The following F13A1 variants were observed in gnomAD, a reference collection of about 807,000 sequenced individuals.
The protein encoded by F13A1 is FSF, A subunit.
F13A1 carries 47 observed loss-of-function variants against 80.1 expected under a neutral mutation model. That is an observed-to-expected ratio of 0.59 (90% confidence interval 0.46 to 0.75). The LOEUF is 0.75. Among genes scored for constraint, F13A1 ranks in the 30% least tolerant of loss-of-function variants. The pLI is 0.00. For missense variants in F13A1, 817 were observed against 930.4 expected, an observed-to-expected ratio of 0.88 and a Z score of 1.59; for synonymous variants, 349 against 344.9, an observed-to-expected ratio of 1.01 and a Z score of -0.13.
At chr6:6,181,786 G>A (rs1760989918) in intron 11 of F13A1, among the ~76,000 whole-genome samples, 1 of 152,130 alleles carries the variant, frequency 6.6e-6, no homozygotes, top group Non-Finnish European at 1.5e-5. Flanking sequence ...TGAGAATTCT[G>A]CCCAAAGCAA....
At chr6:6,172,187 A>G (rs414247) in intron 12 of F13A1, among the ~76,000 whole-genome samples, 103,257 of 151,986 alleles carry the variant, frequency 0.68, 36,666 homozygotes, top group African/African-American at 0.89. Flanking sequence ...TCCCCTTTGC[A>G]GATGAGGAGA....
At chr6:6,171,560 A>G (rs1226881351) in intron 12 of F13A1, among the ~76,000 whole-genome samples, 1 of 152,126 alleles carries the variant, frequency 6.6e-6, no homozygotes, top group Non-Finnish European at 1.5e-5. Context: ...CTTTCAGTGG[A>G]GTGATTGCAG....
intron 4 of F13A1, among the ~76,000 whole-genome samples, chr6:6,253,680 T>G (rs551468827): frequency 6.6e-6 from 1 of 152,356 alleles, no homozygotes; most frequent in African/African-American, 2.4e-5. Flanking sequence ...TCTGGTTCTT[T>G]TTAATGTAGC....
chr6:6,176,947 T>C (rs1216501399), intron 11 of F13A1, among the ~76,000 whole-genome samples: 8 of 152,178 alleles, frequency 5.3e-5, no homozygotes, highest in Non-Finnish European at 1.2e-4. Flanking sequence ...CACTGTCCTC[T>C]GTGAGCGGAG....
At chr6:6,151,419 A>G (rs1170807807) in intron 14 of F13A1, among the ~76,000 whole-genome samples, 1 of 152,062 alleles carries the variant, frequency 6.6e-6, no homozygotes, top group East Asian at 1.9e-4. Context: ...TAAAGATGAG[A>G]AGAGACCATA....
intron 13 of F13A1, among the ~76,000 whole-genome samples, chr6:6,165,771 C>T (rs1311788936): frequency 6.6e-6 from 1 of 152,264 alleles, no homozygotes; most frequent in Non-Finnish European, 1.5e-5. Flanking sequence ...GGTACCTCTG[C>T]AGCAACCCTA....
chr6:6,256,150 C>T (rs578020941), intron 4 of F13A1, among the ~76,000 whole-genome samples: 1 of 151,944 alleles, frequency 6.6e-6, no homozygotes, highest in Non-Finnish European at 1.5e-5. Flanking sequence ...ATGGAAGGCT[C>T]GACTAATAGG....
At position 6,243,865 on chromosome 6, in the gene F13A1, T is replaced by A. The variant is rs1428217723; in HGVS notation, c.798+4447A>T. ...GGTGGTACATGTAGGTGTGTCACAGTGAATAACGAGCCTTTATCTGCAGTA... is the reference window on the plus strand; with the variant it reads ...GGTGGTACATGTAGGTGTGTCACAGAGAATAACGAGCCTTTATCTGCAGTA... On this transcript the variant is annotated intron_variant, in intron 6 of 14. Coordinates refer to ENST00000264870, the MANE Select transcript of F13A1 (RefSeq NM_000129.4). This position sits in a 1 kb window ranked among gnomAD's most constrained non-coding sequence, Gnocchi z 4.2. 1.3e-5 allele frequency among the ~76,000 whole-genome samples: 2 copies of A among 152,192 alleles called. No individual in the cohort carries two copies. Among genetic ancestry groups the A allele is most frequent in the Admixed American group, 6.5e-5 (1 of 15,282 alleles).
chr6:6,173,612 TAGTC>T (rs575638389), intron 12 of F13A1, among the ~76,000 whole-genome samples: 195 of 152,248 alleles, frequency 1.3e-3, no homozygotes, highest in Admixed American at 2.6e-3. Flanking sequence ...TTCACCATGT[TAGTC>T]AGGCTGGTCT....
intron 6 of F13A1, among the ~76,000 whole-genome samples, chr6:6,236,603 G>C (rs978833566): frequency 6.6e-5 from 10 of 152,114 alleles, no homozygotes; most frequent in African/African-American, 2.4e-4. Context: ...AAATATGCAA[G>C]GGTACTTTTC....
At chr6:6,310,582 C>T (rs1758576522) in intron 2 of F13A1, among the ~76,000 whole-genome samples, 1 of 152,068 alleles carries the variant, frequency 6.6e-6, no homozygotes, top group South Asian at 2.1e-4. Context: ...AGCTAGGCTG[C>T]CTGAACCCAA....
chr6:6,180,658 C>T (rs999169668), intron 11 of F13A1, among the ~76,000 whole-genome samples: 6 of 152,144 alleles, frequency 3.9e-5, no homozygotes, highest in Non-Finnish European at 7.4e-5. Flanking sequence ...AAAAATACCA[C>T]CTTTGTATCT....
chr6:6,289,864 T>A (rs1758199998), intron 3 of F13A1, among the ~76,000 whole-genome samples: 1 of 152,186 alleles, frequency 6.6e-6, no homozygotes, highest in Admixed American at 6.5e-5. Flanking sequence ...TGGGTCAATT[T>A]CTATTCGTTT....
intron 8 of F13A1, among the ~76,000 whole-genome samples, chr6:6,200,953 C>T (rs955559852): frequency 2.6e-5 from 4 of 152,176 alleles, no homozygotes; most frequent in African/African-American, 9.7e-5. Context: ...CTGCTAGCCT[C>T]TCTCCAGAGC....
rs1329430042 is a variant in F13A1, at chr6:6,151,850, C to T, written c.2008G>A (p.Gly670Ser). ...TTCATTGGTCTTGTTACTCCAGGAC[C>T]ATCCAGGTGTACCCAGACATTTCGC... ...TLRNVWVHLD[G>S]PGVTRPMKKM... The change falls in exon 14 of 15, where the codon GGT becomes AGT. Residue 670 changes from glycine (G) to serine (S), a missense_variant. Physicochemically the swap from Gly to Ser is moderately conservative, Grantham distance 56. Transcript: ENST00000264870. 6.2e-7 allele frequency: 1 copy of T among 1,613,954 alleles called. No homozygotes were observed. The highest frequency in any genetic ancestry group is 8.5e-7 in the Non-Finnish European group (1 of 1,179,986).
At chr6:6,163,167 C>T (rs1276961103) in intron 13 of F13A1, among the ~76,000 whole-genome samples, 2 of 152,178 alleles carry the variant, frequency 1.3e-5, no homozygotes, top group Non-Finnish European at 2.9e-5. Flanking sequence ...CCCACAGCAA[C>T]CTTGAGGCTC....
At chr6:6,226,463 C>T (rs780470784) in intron 6 of F13A1, among the ~76,000 whole-genome samples, 2 of 152,236 alleles carry the variant, frequency 1.3e-5, no homozygotes, top group African/African-American at 4.8e-5. Flanking sequence ...CAATGTGAAA[C>T]ATATGATTGA....
intron 3 of F13A1, 28 bp downstream of exon 3, chr6:6,305,323 A>T: frequency 5.6e-6 from 9 of 1,613,640 alleles, no homozygotes; most frequent in Non-Finnish European, 7.6e-6. Flanking sequence ...CCATGGTGTC[A>T]AGACTGGAGC....
chr6:6,246,409 T>C (rs1757555851), intron 6 of F13A1, among the ~76,000 whole-genome samples: 1 of 152,198 alleles, frequency 6.6e-6, no homozygotes, highest in African/African-American at 2.4e-5. Context: ...CATTGAATAT[T>C]TTGTGTATAT....
Sources: allele counts gnomAD v4.1 joint callset (sites outside exome capture counted in the v4.1 genomes callset), GRCh38; gene constraint gnomAD v4.1.1; non-coding constraint Gnocchi (gnomAD v3.1); transcripts MANE v1.5; gene names NCBI Gene and HGNC (gene_info 2026-07-23, HGNC 2026-07-21).